The following LGALS16 variants were observed in gnomAD, a reference collection of about 807,000 sequenced individuals.
LGALS16 encodes the protein galectin-16.
A neutral mutation model predicts 13.2 loss-of-function variants in LGALS16; 15 were observed. That is an observed-to-expected ratio of 1.13 (90% CI 0.76 to 1.75). The LOEUF (loss-of-function observed/expected upper bound fraction) is 1.75. Ranked by LOEUF, LGALS16 falls within the 40% of genes most tolerant of loss-of-function variation. LGALS16 has a pLI of 0.00. For synonymous variants in LGALS16, 66 were observed against 65.4 expected (o/e 1.01, Z -0.05); for missense variants, 198 against 178.4 (o/e 1.11, Z -0.63).
chr19:39,655,949 G>C lies in LGALS16; in HGVS notation c.-13G>C. The C allele has an allele frequency of 6.2e-7, 1 of 1,613,670 alleles. No homozygotes were observed. Among genetic ancestry groups the C allele is most frequent in the Non-Finnish European group, 8.5e-7 (1 of 1,179,912 alleles). ...TGGACACAATTCCGAAGGTCGCCCA[G>C]AAGGAGAGGACAATGTCATTTCTAA... is the stretch of plus-strand genomic sequence containing the variant. On this transcript the variant is annotated 5_prime_UTR_variant, in exon 1 of 4. Transcript: ENST00000392051.
At chr19:39,658,056 T>G in intron 2 of LGALS16, 97 bp downstream of exon 2, 4 of 1,437,096 alleles carry the variant, frequency 2.8e-6, no homozygotes, top group Non-Finnish European at 3.9e-6. Context: ...AATGTCTAAT[T>G]GGCAGGATGG....
intron 1 of LGALS16, among the ~76,000 whole-genome samples, chr19:39,656,660 G>A (rs1973198237): frequency 6.6e-6 from 1 of 152,050 alleles, no homozygotes; most frequent in Admixed American, 6.5e-5. Context: ...ATCAGTAGAT[G>A]TCTCTTCCCA....
chr19:39,657,785 C>G, intron 1 of LGALS16, 98 bp from the exon 2 acceptor site: 1 of 1,346,976 alleles, frequency 7.4e-7, no homozygotes, highest in South Asian at 1.2e-5. Flanking sequence ...ACAGAGCCTG[C>G]CCTGTGATCT....
Position 39,657,907 on chromosome 19 carries a change from TTGTC to T in LGALS16, c.44_47del (p.Ser15LeufsTer5). The T allele has an allele frequency of 6.2e-7, 1 of 1,614,016 alleles. No homozygotes were observed. Among genetic ancestry groups the T allele is most frequent in the Non-Finnish European group, 8.5e-7 (1 of 1,179,996 alleles). ...GGTGCCATACAAACTGCCTGTGTCTTTGTCTGTTGGTTCCTGCGTGATAATCAAA... is the reference window on the plus strand; with the variant it reads ...GGTGCCATACAAACTGCCTGTGTCTTTGTTGGTTCCTGCGTGATAATCAAA... On this transcript the variant is annotated frameshift_variant, in exon 2 of 4. Coordinates refer to ENST00000392051, the MANE Select transcript of LGALS16 (RefSeq NM_001190441.3). LOFTEE classifies it high-confidence loss of function.
rs1360739701 is a variant in LGALS16 at position 39,655,947 on chromosome 19, C to A, written c.-15C>A. On this transcript the variant is annotated 5_prime_UTR_variant, in exon 1 of 4. Coordinates refer to ENST00000392051, the MANE Select transcript of LGALS16 (RefSeq NM_001190441.3). ...ACTGGACACAATTCCGAAGGTCGCCCAGAAGGAGAGGACAATGTCATTTCT... is the reference window on the plus strand; with the variant it reads ...ACTGGACACAATTCCGAAGGTCGCCAAGAAGGAGAGGACAATGTCATTTCT... 2.5e-6 allele frequency: 4 copies of A among 1,613,398 alleles called. No individual in the cohort carries two copies. In the African/African-American group the frequency reaches 5.3e-5, roughly 22 times the overall value.
rs750660071 is a variant in LGALS16 at position 39,655,937 on chromosome 19, G to T, written c.-25G>T. 3 of 1,613,384 alleles carry T rather than the reference G, an allele frequency of 1.9e-6. No individual in the cohort carries two copies. Among genetic ancestry groups the T allele is most frequent in the Non-Finnish European group, 2.5e-6 (3 of 1,179,754 alleles). On this transcript the variant is annotated 5_prime_UTR_variant, in exon 1 of 4. Coordinates refer to ENST00000392051, the MANE Select transcript of LGALS16 (RefSeq NM_001190441.3). ...CACTCAGAAGACTGGACACAATTCC[G>T]AAGGTCGCCCAGAAGGAGAGGACAA...
chr19:39,657,875 C>T lies in LGALS16; in HGVS notation c.16-8C>T, dbSNP rs770376244. 1.9e-6 allele frequency: 3 copies of T among 1,613,448 alleles called. No individual in the cohort carries two copies. The highest frequency in any genetic ancestry group is 1.7e-4 in the Middle Eastern group (1 of 6,060). On this transcript the variant is annotated splice_region_variant and splice_polypyrimidine_tract_variant and intron_variant, in intron 1 of 3. Transcript: ENST00000392051. The stretch of plus-strand genomic sequence containing the variant: ...TGCACCTCTCACTTATTCTCAATAC[C>T]CTGGCAGGTGCCATACAAACTGCCT...
intron 3 of LGALS16, among the ~76,000 whole-genome samples, chr19:39,659,505 G>T (rs1973236051): frequency 6.6e-6 from 1 of 152,148 alleles, no homozygotes; most frequent in Non-Finnish European, 1.5e-5. Context: ...TTTCATCAAA[G>T]AATATATCTT....
At chr19:39,657,526 A>G (rs2144864066) in intron 1 of LGALS16, among the ~76,000 whole-genome samples, 1 of 152,214 alleles carries the variant, frequency 6.6e-6, no homozygotes, top group South Asian at 2.1e-4. Context: ...ATTAGGGTAA[A>G]AGTTTTACAT....
At chr19:39,659,866 G>A (rs1044950196) in intron 3 of LGALS16, among the ~76,000 whole-genome samples, 3 of 152,110 alleles carry the variant, frequency 2.0e-5, no homozygotes, top group Admixed American at 6.5e-5. Context: ...AGAAGTTGTC[G>A]AAGATAATAT....
intron 1 of LGALS16, among the ~76,000 whole-genome samples, chr19:39,657,425 T>C (rs1973206440): frequency 6.6e-6 from 1 of 152,090 alleles, no homozygotes; most frequent in African/African-American, 2.4e-5. Context: ...CCCTTGATGA[T>C]TGTGAGAGTT....
chr19:39,657,137 C>T (rs937089946), intron 1 of LGALS16, among the ~76,000 whole-genome samples: 4 of 152,096 alleles, frequency 2.6e-5, no homozygotes, highest in African/African-American at 9.7e-5. Flanking sequence ...TGGCAGGCAC[C>T]TTTTGCCCCA....
intron 2 of LGALS16, 96 bp from the exon 3 acceptor site, chr19:39,658,364 A>T: frequency 9.3e-7 from 1 of 1,077,510 alleles, no homozygotes; most frequent in Non-Finnish European, 1.4e-6. Flanking sequence ...AGAGAATTTT[A>T]CCCTGGGTAA....
chr19:39,657,641 C>A (rs1162004339), intron 1 of LGALS16, among the ~76,000 whole-genome samples: 1 of 152,160 alleles, frequency 6.6e-6, no homozygotes, highest in Non-Finnish European at 1.5e-5. Context: ...TCTAAGATTG[C>A]ACTGCTAGTA....
chr19:39,658,695 A>G (rs1455829555), intron 3 of LGALS16, 25 bp downstream of exon 3: 1 of 1,443,896 alleles, frequency 6.9e-7, no homozygotes. Flanking sequence ...AGCTCGCAGT[A>G]CCCAGGCTCT....
rs756034643 is a variant in LGALS16, at chr19:39,657,872, T to C, written c.16-11T>C. On this transcript the variant is annotated splice_polypyrimidine_tract_variant and intron_variant, in intron 1 of 3. Transcript: ENST00000392051. ...CCCTGCACCTCTCACTTATTCTCAATACCCTGGCAGGTGCCATACAAACTG... is the reference window on the plus strand; with the variant it reads ...CCCTGCACCTCTCACTTATTCTCAACACCCTGGCAGGTGCCATACAAACTG... 1 of 1,613,364 alleles carries C rather than the reference T, an allele frequency of 6.2e-7. No homozygotes were observed. The highest frequency in any genetic ancestry group is 1.1e-5 in the South Asian group (1 of 91,084).
Position 39,657,925 on chromosome 19 carries a change from G to A in LGALS16, c.58G>A (p.Val20Met), listed in dbSNP as rs549231473. 72 of 1,613,970 alleles carry A rather than the reference G, an allele frequency of 4.5e-5. No homozygotes were observed. Among genetic ancestry groups the A allele is most frequent in the South Asian group, 7.7e-5 (7 of 91,086 alleles). The change falls in exon 2 of 4, where the codon GTG becomes ATG. Residue 20 changes from valine (V) to methionine (M), a missense_variant. By Grantham distance (21) the Val-to-Met change is conservative. Transcript: ENST00000392051. ...LPVSLSVGSC[V>M]IIKGTLIDSS... Reference sequence around the variant, plus strand: ...TGTGTCTTTGTCTGTTGGTTCCTGCGTGATAATCAAAGGGACACTGATCGA... The same window carrying A: ...TGTGTCTTTGTCTGTTGGTTCCTGCATGATAATCAAAGGGACACTGATCGA...
At chr19:39,657,837 C>T in intron 1 of LGALS16, 46 bp from the exon 2 acceptor site, 1 of 1,598,886 alleles carries the variant, frequency 6.3e-7, no homozygotes. Context: ...GGAAGGGAGA[C>T]TGCACCTGAC....
chr19:39,657,510 C>G (rs114830488), intron 1 of LGALS16, among the ~76,000 whole-genome samples: 1 of 152,030 alleles, frequency 6.6e-6, no homozygotes, highest in Admixed American at 6.5e-5. Context: ...CCTACACATG[C>G]CAGGGATTAG....
Sources: gnomAD v4.1 joint callset for allele counts (sites outside exome capture counted in the v4.1 genomes callset) on GRCh38, gnomAD v4.1.1 for gene constraint, MANE v1.5 for transcripts, NCBI Gene and HGNC (gene_info 2026-07-23, HGNC 2026-07-21) for gene names.